Variants in GRID2 observed in about 807,000 individuals in gnomAD.
GRID2 encodes the protein glutamate ionotropic receptor delta type subunit 2.
GRID2 carries 33 observed loss-of-function variants against 114.8 expected under a neutral mutation model. The ratio of observed to expected loss-of-function variants is 0.29; its 90% CI spans 0.22 to 0.38. GRID2 has a LOEUF of 0.38. Among genes scored for constraint, GRID2 ranks in the 10% least tolerant of loss-of-function variants. GRID2 has a pLI of 1.00. For missense variants in GRID2, 1,184 were observed against 1,257.7 expected, an observed-to-expected ratio of 0.94 and a Z score of 0.89; for synonymous variants, 505 against 449.9, an observed-to-expected ratio of 1.12 and a Z score of -1.55.
intron 2 of GRID2, among the ~76,000 whole-genome samples, chr4:92,702,906 A>G (rs530884303): frequency 6.6e-6 from 1 of 152,246 alleles, no homozygotes; most frequent in African/African-American, 2.4e-5. Flanking sequence ...GTGCTTATCT[A>G]TAAAATAGTA....
intron 8 of GRID2, among the ~76,000 whole-genome samples, chr4:93,363,510 C>A (rs563124734): frequency 1.3e-5 from 2 of 152,178 alleles, no homozygotes; most frequent in South Asian, 4.1e-4. Flanking sequence ...AATCAAACTA[C>A]CTCTGTTAAT....
intron 2 of GRID2, among the ~76,000 whole-genome samples, chr4:93,055,425 C>T (rs144529819): frequency 2.0e-5 from 3 of 150,910 alleles, no homozygotes; most frequent in Admixed American, 6.6e-5. Flanking sequence ...TGCTAGATGA[C>T]GAGTTACTGG....
chr4:92,524,635 G>C (rs894286059), intron 1 of GRID2, among the ~76,000 whole-genome samples: 4 of 151,750 alleles, frequency 2.6e-5, no homozygotes, highest in Admixed American at 2.6e-4. Flanking sequence ...AAGTCAACTT[G>C]TTAACAAACT....
At chr4:93,027,848 C>T (rs1724024662) in intron 2 of GRID2, among the ~76,000 whole-genome samples, 1 of 151,818 alleles carries the variant, frequency 6.6e-6, no homozygotes, top group South Asian at 2.1e-4. Flanking sequence ...TCTAAAAGCA[C>T]CACACATACC....
intron 14 of GRID2, 33 bp from the exon 15 acceptor site, chr4:93,769,177 G>A: frequency 1.2e-6 from 2 of 1,610,136 alleles, no homozygotes; most frequent in Non-Finnish European, 1.7e-6. Flanking sequence ...AACTATGTCT[G>A]TAATAACACA....
chr4:93,344,984 AGTGTGTGTGTGTGT>A (rs35018148), intron 8 of GRID2, among the ~76,000 whole-genome samples: 13 of 142,404 alleles, frequency 9.1e-5, no homozygotes, highest in East Asian at 2.1e-4. Context: ...GTTGTATTCT[AGTGTGTGTGTGTGT>A]GTGTGTGTGT....
intron 10 of GRID2, among the ~76,000 whole-genome samples, chr4:93,451,726 G>T (rs1451563161): frequency 2.6e-5 from 4 of 152,002 alleles, no homozygotes; most frequent in African/African-American, 9.7e-5. Flanking sequence ...ATGAAAGCTG[G>T]AAATAGTAAA....
intron 1 of GRID2, among the ~76,000 whole-genome samples, chr4:93,799,439 T>C (rs10024051): frequency 0.44 from 64,668 of 146,784 alleles, 15,367 homozygotes; most frequent in Non-Finnish European, 0.54. Context: ...CTGCAGCCCC[T>C]TTTTTTTTTT....
At chr4:92,949,154 G>C (rs1184392316) in intron 2 of GRID2, among the ~76,000 whole-genome samples, 1 of 150,834 alleles carries the variant, frequency 6.6e-6, no homozygotes, top group Non-Finnish European at 1.5e-5. Context: ...GTGTGTGTCT[G>C]TGTGTGTGTG....
intron 3 of GRID2, among the ~76,000 whole-genome samples, chr4:93,090,535 A>G (rs1388543079): frequency 6.6e-6 from 1 of 152,144 alleles, no homozygotes; most frequent in African/African-American, 2.4e-5. Flanking sequence ...CAGGGAAAAA[A>G]TTTATAATGG....
chr4:92,898,495 T>G (rs1747330904), intron 2 of GRID2, among the ~76,000 whole-genome samples: 1 of 152,180 alleles, frequency 6.6e-6, no homozygotes, highest in East Asian at 1.9e-4. Context: ...CTTCAAAGTC[T>G]ATTTTTTATT....
chr4:93,175,713 C>A (rs1045420807), intron 4 of GRID2, among the ~76,000 whole-genome samples: 1 of 152,066 alleles, frequency 6.6e-6, no homozygotes, highest in African/African-American at 2.4e-5. Context: ...AAGAAGAATT[C>A]GAAATTGTAG....
At chr4:93,412,203 A>C (rs1392344275) in intron 9 of GRID2, among the ~76,000 whole-genome samples, 1 of 151,664 alleles carries the variant, frequency 6.6e-6, no homozygotes, top group Admixed American at 6.6e-5. Context: ...ACTTTGAGAC[A>C]AGCCTGGGCA....
intron 2 of GRID2, among the ~76,000 whole-genome samples, chr4:92,914,596 G>C (rs1361254970): frequency 1.3e-5 from 2 of 152,000 alleles, no homozygotes; most frequent in African/African-American, 4.8e-5. Flanking sequence ...ATAGGCCCTA[G>C]TGTATGTTGT....
chr4:92,658,793 G>GTATATATATATATATATATATA (rs201480396), intron 2 of GRID2, among the ~76,000 whole-genome samples: 5 of 132,360 alleles, frequency 3.8e-5, no homozygotes, highest in Non-Finnish European at 6.5e-5. Context: ...GTGTGTGTGT[G>GTATATATATATATATATATATA]TATATATATA....
At chr4:93,526,967 C>G (rs1730971934) in intron 13 of GRID2, among the ~76,000 whole-genome samples, 1 of 151,866 alleles carries the variant, frequency 6.6e-6, no homozygotes, top group Admixed American at 6.6e-5. Context: ...TTTTCAATTC[C>G]TTTGTCAAAA....
intron 4 of GRID2, among the ~76,000 whole-genome samples, chr4:93,116,799 T>C (rs1340812545): frequency 1.3e-5 from 2 of 152,006 alleles, no homozygotes; most frequent in Non-Finnish European, 2.9e-5. Flanking sequence ...ATAAGCTGTG[T>C]AGAGGCAAGA....
At chr4:93,776,582 G>A (rs184024785), downstream of GRID2, among the ~76,000 whole-genome samples, 67 of 152,202 alleles carry the variant, frequency 4.4e-4, no homozygotes, top group Non-Finnish European at 7.4e-4. Flanking sequence ...TGCAGGATAC[G>A]GAGGCCACGT....
chr4:93,294,167 C>A (rs915777541), intron 8 of GRID2, among the ~76,000 whole-genome samples: 2 of 149,700 alleles, frequency 1.3e-5, no homozygotes, highest in Non-Finnish European at 3.0e-5. Flanking sequence ...GAGGAGGGAT[C>A]AATAAATTCC....
Sources: allele counts gnomAD v4.1 joint callset (sites outside exome capture counted in the v4.1 genomes callset), GRCh38; gene constraint gnomAD v4.1.1; transcripts MANE v1.5; gene names NCBI Gene and HGNC (gene_info 2026-07-23, HGNC 2026-07-21).